The following PSMA1 variants were observed in gnomAD, a reference collection of about 807,000 sequenced individuals.
PSMA1 encodes the protein proteasome subunit alpha type-1.
A neutral mutation model predicts 38.4 loss-of-function variants in PSMA1; 3 were observed. The observed-to-expected ratio is 0.08, with a 90% CI of 0.04 to 0.20. PSMA1 has a LOEUF of 0.20. Ranked by LOEUF, PSMA1 falls within the 10% of genes least tolerant of loss-of-function variation. The pLI, the probability that PSMA1 is intolerant of heterozygous loss-of-function variation, is 1.00. For synonymous variants in PSMA1, 101 were observed against 107.1 expected, an observed-to-expected ratio of 0.94 and a Z score of 0.35; for missense variants, 227 against 325.3, an observed-to-expected ratio of 0.70 and a Z score of 2.32.
At chr11:14,538,777 C>T (rs1001329880) in intron 2 of PSMA1, among the ~76,000 whole-genome samples, 12 of 152,220 alleles carry the variant, frequency 7.9e-5, no homozygotes, top group Non-Finnish European at 1.5e-4. Flanking sequence ...GCAGACCATG[C>T]GGTCTGTCCT....
At chr11:14,508,193 C>A (rs1436471801) in intron 8 of PSMA1, among the ~76,000 whole-genome samples, 3 of 152,124 alleles carry the variant, frequency 2.0e-5, no homozygotes, top group African/African-American at 4.8e-5. Context: ...ATCATTCATG[C>A]TCCCCTTCTT....
intron 1 of PSMA1, among the ~76,000 whole-genome samples, chr11:14,630,858 G>A (rs1385566590): frequency 7.2e-4 from 109 of 152,092 alleles, no homozygotes; most frequent in Non-Finnish European, 1.4e-3. Context: ...TTATTGGTCT[G>A]TTCAGAGATT....
At chr11:14,556,699 T>C (rs750744083) in intron 2 of PSMA1, among the ~76,000 whole-genome samples, 5 of 152,248 alleles carry the variant, frequency 3.3e-5, no homozygotes, top group Non-Finnish European at 7.3e-5. Flanking sequence ...CTTTTAAATC[T>C]GTTATCCATT....
At chr11:14,536,866 C>T (rs1393206075) in intron 2 of PSMA1, among the ~76,000 whole-genome samples, 4 of 152,330 alleles carry the variant, frequency 2.6e-5, no homozygotes, top group East Asian at 1.9e-4. Context: ...CCGCCCGCCT[C>T]GGCCTCCCGA....
At chr11:14,526,984 C>T (rs1043570260) in intron 2 of PSMA1, among the ~76,000 whole-genome samples, 4 of 152,158 alleles carry the variant, frequency 2.6e-5, no homozygotes, top group Admixed American at 1.3e-4. Context: ...AGGGACTACG[C>T]GTCAATATTT....
At chr11:14,519,325 T>C in intron 1 of PSMA1, 1 of 464,236 alleles carries the variant, frequency 2.2e-6, no homozygotes, top group Non-Finnish European at 4.1e-6. Context: ...AAGTTCACAA[T>C]CAACTTTCTT....
chr11:14,586,569 GA>G (rs1276246010), intron 2 of PSMA1, among the ~76,000 whole-genome samples: 1 of 152,058 alleles, frequency 6.6e-6, no homozygotes, highest in Non-Finnish European at 1.5e-5. Context: ...CAAATAAAAA[GA>G]CATTTAAAAA....
chr11:14,533,454 C>T (rs1315777440), intron 2 of PSMA1, among the ~76,000 whole-genome samples: 1 of 152,180 alleles, frequency 6.6e-6, no homozygotes, highest in Non-Finnish European at 1.5e-5. Context: ...TCCTAAGGTA[C>T]CCCATGTGGC....
At chr11:14,549,880 C>G (rs1851867896) in intron 2 of PSMA1, among the ~76,000 whole-genome samples, 1 of 152,110 alleles carries the variant, frequency 6.6e-6, no homozygotes. Context: ...GCTCCAATGG[C>G]AAGAGGATGG....
chr11:14,604,802 A>G (rs575217921), intron 2 of PSMA1, among the ~76,000 whole-genome samples: 1 of 152,304 alleles, frequency 6.6e-6, no homozygotes, highest in Non-Finnish European at 1.5e-5. Flanking sequence ...CTTATAAGTG[A>G]GAACATGTGG....
At chr11:14,565,668 G>T (rs1157748567) in intron 2 of PSMA1, among the ~76,000 whole-genome samples, 1 of 152,134 alleles carries the variant, frequency 6.6e-6, no homozygotes, top group Non-Finnish European at 1.5e-5. Context: ...GGTATATCAT[G>T]GAGCAAAGCA....
At chr11:14,576,797 T>C (rs1852222624) in intron 2 of PSMA1, among the ~76,000 whole-genome samples, 1 of 152,204 alleles carries the variant, frequency 6.6e-6, no homozygotes, top group Non-Finnish European at 1.5e-5. Context: ...TTTAAAGTAG[T>C]TTTTTCCAAT....
intron 2 of PSMA1, among the ~76,000 whole-genome samples, chr11:14,547,351 T>C (rs1851837293): frequency 6.6e-6 from 1 of 152,200 alleles, no homozygotes; most frequent in South Asian, 2.1e-4. Flanking sequence ...AATTTAAAAA[T>C]TCAGGGAATT....
chr11:14,624,210 C>T (rs1173299796), intron 1 of PSMA1, among the ~76,000 whole-genome samples: 1 of 152,222 alleles, frequency 6.6e-6, no homozygotes, highest in Non-Finnish European at 1.5e-5. Context: ...AGAAGCAACA[C>T]TCTCAAAGGA....
intron 2 of PSMA1, among the ~76,000 whole-genome samples, chr11:14,540,299 C>T (rs1472709303): frequency 6.6e-6 from 1 of 152,148 alleles, no homozygotes; most frequent in African/African-American, 2.4e-5. Flanking sequence ...TCTCAGGCCA[C>T]CCTGGGTGAC....
intron 2 of PSMA1, among the ~76,000 whole-genome samples, chr11:14,535,003 G>A (rs1851687864): frequency 1.3e-5 from 2 of 152,266 alleles, no homozygotes; most frequent in African/African-American, 4.8e-5. Context: ...GAACCCAGGA[G>A]GCAGAGGTTG....
At chr11:14,625,625 C>T (rs774274348) in intron 1 of PSMA1, among the ~76,000 whole-genome samples, 6 of 152,182 alleles carry the variant, frequency 3.9e-5, no homozygotes, top group Non-Finnish European at 7.3e-5. Context: ...TGAGGGACTC[C>T]TTTTAATAGG....
intron 2 of PSMA1, among the ~76,000 whole-genome samples, chr11:14,584,945 T>C (rs1212812026): frequency 6.6e-6 from 1 of 152,246 alleles, no homozygotes; most frequent in African/African-American, 2.4e-5. Context: ...TCATTTACTG[T>C]AGAGACAAAC....
chr11:14,553,070 C>T (rs1379327512), intron 2 of PSMA1, among the ~76,000 whole-genome samples: 2 of 152,094 alleles, frequency 1.3e-5, no homozygotes, highest in Non-Finnish European at 2.9e-5. Flanking sequence ...AGCGATCTTC[C>T]TGCCTTGGCT....
Sources: allele counts gnomAD v4.1 joint callset (sites outside exome capture counted in the v4.1 genomes callset), GRCh38; gene constraint gnomAD v4.1.1; transcripts MANE v1.5; gene names NCBI Gene and HGNC (gene_info 2026-07-23, HGNC 2026-07-21).